The following GRIA2 variants were observed in gnomAD, a reference collection of about 807,000 sequenced individuals.
The protein encoded by GRIA2 is glutamate receptor 2.
GRIA2 carries 14 observed loss-of-function variants against 97.3 expected under a neutral mutation model. That is an observed-to-expected ratio of 0.14 (90% confidence interval 0.10 to 0.23). GRIA2 has a LOEUF of 0.23. GRIA2 is among the 10% of genes least tolerant of loss of function. The pLI is 1.00. For missense variants in GRIA2, 558 were observed against 1,069.8 expected, an observed-to-expected ratio of 0.52 and a Z score of 6.67; for synonymous variants, 412 against 387.8, an observed-to-expected ratio of 1.06 and a Z score of -0.73.
intron 3 of GRIA2, among the ~76,000 whole-genome samples, chr4:157,309,967 G>A (rs970524895): frequency 6.6e-6 from 1 of 152,166 alleles, no homozygotes; most frequent in Non-Finnish European, 1.5e-5. Flanking sequence ...GGTGACAAGG[G>A]GGAGTTGAAC....
intron 2 of GRIA2, among the ~76,000 whole-genome samples, chr4:157,228,053 T>C (rs1426547527): frequency 2.0e-5 from 3 of 152,232 alleles, no homozygotes; most frequent in Non-Finnish European, 4.4e-5. Flanking sequence ...TTTTAACTTA[T>C]AGAATGAAAA....
rs1560756313 is a variant in GRIA2, at chr4:157,303,767, G to A, written c.445G>A (p.Ala149Thr). The A allele has an allele frequency of 1.9e-6, 3 of 1,613,752 alleles. No individual in the cohort carries two copies. The highest frequency in any genetic ancestry group is 2.5e-6 in the Non-Finnish European group (3 of 1,179,696). Residue 149 changes from alanine (A) to threonine (T), a missense_variant, in exon 3 of 16, where the codon GCA (alanine) becomes ACA (threonine). By Grantham distance (58) the Ala-to-Thr change is moderately conservative. Transcript: ENST00000264426. ...TGAATACTATCAATGGGACAAGTTTGCATACCTCTATGACAGTGACAGAGG... is the reference window on the plus strand; with the variant it reads ...TGAATACTATCAATGGGACAAGTTTACATACCTCTATGACAGTGACAGAGG... ...LIEYYQWDKF[A>T]YLYDSDRGLS... is the part of the protein sequence containing the mutation.
Position 157,361,191 on chromosome 4 carries a change from G to T in GRIA2, c.2406+67G>T. 1 of 1,229,056 alleles carries T rather than the reference G, an allele frequency of 8.1e-7. No individual in the cohort carries two copies. The highest frequency in any genetic ancestry group is 1.2e-5 in the South Asian group (1 of 80,036). The allele number at this position is 1,229,056 out of a possible 1,614,324, so 76.1% of individuals were successfully genotyped here. ...ACAAAGTAAGCAGCAGCTATGCACA[G>T]TGTGGGCACTCCGTGCCACCAAGTT... On this transcript the variant is annotated intron_variant, in intron 14 of 15. Coordinates refer to ENST00000264426, the MANE Select transcript of GRIA2 (RefSeq NM_001083619.3). This position sits in a 1 kb window ranked among gnomAD's most constrained non-coding sequence, Gnocchi z 5.2.
chr4:157,261,343 A>G (rs967518602), intron 2 of GRIA2, among the ~76,000 whole-genome samples: 1 of 152,164 alleles, frequency 6.6e-6, no homozygotes, highest in Admixed American at 6.6e-5. Flanking sequence ...AAATGTGGGT[A>G]TGCACTAAAT....
At chr4:157,294,001 T>C (rs1235825987) in intron 2 of GRIA2, among the ~76,000 whole-genome samples, 1 of 152,260 alleles carries the variant, frequency 6.6e-6, no homozygotes, top group East Asian at 1.9e-4. Context: ...AAATGTGTCC[T>C]TTGAAAATAA....
intron 2 of GRIA2, among the ~76,000 whole-genome samples, chr4:157,269,365 T>A (rs1731914508): frequency 1.3e-5 from 2 of 152,080 alleles, no homozygotes; most frequent in African/African-American, 4.8e-5. Flanking sequence ...GTTTTCTTGC[T>A]CCCCAAAACG....
At chr4:157,256,192 CAT>C (rs1731242248) in intron 2 of GRIA2, among the ~76,000 whole-genome samples, 2 of 127,040 alleles carry the variant, frequency 1.6e-5, no homozygotes, top group South Asian at 2.3e-4. Context: ...TAATATATAA[CAT>C]ATATTACATA....
intron 2 of GRIA2, among the ~76,000 whole-genome samples, chr4:157,266,538 G>C (rs1731777943): frequency 6.6e-6 from 1 of 152,060 alleles, no homozygotes; most frequent in South Asian, 2.1e-4. Flanking sequence ...TTGTTAGCTA[G>C]AGAAACAAAA....
chr4:157,354,507 G>A (rs1412698407), intron 12 of GRIA2, among the ~76,000 whole-genome samples: 2 of 152,072 alleles, frequency 1.3e-5, no homozygotes, highest in African/African-American at 4.8e-5. Context: ...CAAAACCATG[G>A]AAAAAGATTT....
intron 3 of GRIA2, among the ~76,000 whole-genome samples, chr4:157,311,054 G>A (rs576188323): frequency 6.6e-6 from 1 of 151,970 alleles, no homozygotes; most frequent in South Asian, 2.1e-4. Flanking sequence ...TAATTCCGTA[G>A]GTGTTACAAG....
At chr4:157,241,387 G>A (rs1242381006) in intron 2 of GRIA2, among the ~76,000 whole-genome samples, 1 of 151,964 alleles carries the variant, frequency 6.6e-6, no homozygotes. Context: ...GTATCTAAAT[G>A]GGAACTTTTA....
At position 157,297,650 on chromosome 4, in the gene GRIA2, GC is replaced by G. The variant is rs202203278; in HGVS notation, c.230-5901del. 3.2e-4 allele frequency among the ~76,000 whole-genome samples: 48 copies of G among 152,222 alleles called. No homozygotes were observed. The East Asian group carries it at 8.7e-3, about 28-fold the overall frequency. ...GTTCTCACTTTTAGCCCCTAGAGCT[GC>G]TGTTTCTGAGGTCAGAGCCGCCCAA... On this transcript the variant is annotated intron_variant, in intron 2 of 15. Transcript: ENST00000264426.
At chr4:157,351,574 T>C (rs1412880976) in intron 12 of GRIA2, among the ~76,000 whole-genome samples, 1 of 152,212 alleles carries the variant, frequency 6.6e-6, no homozygotes, top group Non-Finnish European at 1.5e-5. Flanking sequence ...ATTCTATGAC[T>C]AGTACAAGCA....
At chr4:157,363,343 T>A in intron 15 of GRIA2, 92 bp from the exon 16 acceptor site, 1 of 870,586 alleles carries the variant, frequency 1.1e-6, no homozygotes, top group Non-Finnish European at 1.5e-6. Context: ...AGAAGTAAAC[T>A]TTTCAAAAAC....
chr4:157,302,579 T>C (rs1377282995), intron 2 of GRIA2, among the ~76,000 whole-genome samples: 2 of 152,182 alleles, frequency 1.3e-5, no homozygotes, highest in South Asian at 2.1e-4. Context: ...GAAATAATTA[T>C]AGTTCCTACC....
At chr4:157,232,825 G>A (rs1176407766) in intron 2 of GRIA2, among the ~76,000 whole-genome samples, 1 of 152,226 alleles carries the variant, frequency 6.6e-6, no homozygotes, top group East Asian at 1.9e-4. Flanking sequence ...AGAATAGCAT[G>A]GGTTAAGCAT....
intron 2 of GRIA2, among the ~76,000 whole-genome samples, chr4:157,227,477 T>C (rs1729801190): frequency 6.6e-6 from 1 of 152,156 alleles, no homozygotes; most frequent in African/African-American, 2.4e-5. Flanking sequence ...TCCTCTTCCC[T>C]TTTTATAAAA....
At chr4:157,230,835 T>A (rs974268313) in intron 2 of GRIA2, among the ~76,000 whole-genome samples, 1 of 151,568 alleles carries the variant, frequency 6.6e-6, no homozygotes, top group Non-Finnish European at 1.5e-5. Flanking sequence ...TTGGTTTTGA[T>A]TTTTTTTCCT....
chr4:157,322,549 C>T (rs1734624966), intron 6 of GRIA2, among the ~76,000 whole-genome samples: 1 of 152,076 alleles, frequency 6.6e-6, no homozygotes, highest in African/African-American at 2.4e-5. Context: ...GAATTTACTT[C>T]CAAGTAGTCA....
Sources: gnomAD v4.1 joint callset for allele counts (sites outside exome capture counted in the v4.1 genomes callset) on GRCh38, gnomAD v4.1.1 for gene constraint, Gnocchi (gnomAD v3.1) non-coding constraint, MANE v1.5 for transcripts, NCBI Gene and HGNC (gene_info 2026-07-23, HGNC 2026-07-21) for gene names.